FBXO11: variants seen among roughly 807,000 people sequenced by gnomAD.
FBXO11 encodes the protein F-box only protein 11.
A neutral mutation model predicts 117.0 loss-of-function variants in FBXO11; 13 were observed. That is an observed-to-expected ratio of 0.11 (90% CI 0.07 to 0.18). The LOEUF is 0.18. FBXO11 is among the 10% of genes least tolerant of loss of function. The pLI is 1.00. For missense variants in FBXO11, 767 were observed against 1,164.4 expected, an observed-to-expected ratio of 0.66 and a Z score of 4.97; for synonymous variants, 490 against 380.5, an observed-to-expected ratio of 1.29 and a Z score of -3.35.
intron 1 of FBXO11, among the ~76,000 whole-genome samples, chr2:47,893,869 A>G (rs1362023885): frequency 6.6e-6 from 1 of 152,196 alleles, no homozygotes; most frequent in East Asian, 1.9e-4. Flanking sequence ...AAATGGCAAC[A>G]TTTACTGAAT....
chr2:47,839,542 T>C (rs1185674303), intron 2 of FBXO11, 42 bp from the exon 3 acceptor site: 4 of 1,602,892 alleles, frequency 2.5e-6, no homozygotes, highest in Admixed American at 3.5e-5. Context: ...AATATTCTTA[T>C]CATCCATAAT....
intron 1 of FBXO11, among the ~76,000 whole-genome samples, chr2:47,897,068 T>C (rs1254329208): frequency 6.6e-6 from 1 of 152,164 alleles, no homozygotes. Flanking sequence ...GAAGAAACAA[T>C]AACTAGTAAC....
intron 1 of FBXO11, among the ~76,000 whole-genome samples, chr2:47,859,401 G>C (rs949691327): frequency 7.2e-5 from 11 of 152,156 alleles, no homozygotes; most frequent in Non-Finnish European, 1.6e-4. Flanking sequence ...TTCAATTTCA[G>C]ATGTCTTGGA....
At chr2:47,851,393 G>A (rs1673848285) in intron 1 of FBXO11, among the ~76,000 whole-genome samples, 1 of 151,916 alleles carries the variant, frequency 6.6e-6, no homozygotes, top group African/African-American at 2.4e-5. Context: ...ACCACGCGTG[G>A]CTAATTTTTG....
chr2:47,830,252 A>G (rs977992443), intron 11 of FBXO11, among the ~76,000 whole-genome samples: 1 of 152,206 alleles, frequency 6.6e-6, no homozygotes, highest in African/African-American at 2.4e-5. Flanking sequence ...GCCATGCTCA[A>G]TGCTACAATA....
intron 18 of FBXO11, chr2:47,810,653 C>A (rs1051085827): frequency 2.4e-6 from 1 of 418,426 alleles, no homozygotes; most frequent in Non-Finnish European, 4.2e-6. Flanking sequence ...CTGCCATCTC[C>A]ATGATAGCAG....
At chr2:47,886,100 C>A (rs1676822923) in intron 1 of FBXO11, among the ~76,000 whole-genome samples, 2 of 151,032 alleles carry the variant, frequency 1.3e-5, no homozygotes, top group African/African-American at 4.8e-5. Context: ...ATGCAAATAT[C>A]CCTCCGAATC....
intron 4 of FBXO11, chr2:47,836,877 A>G (rs1572815074): frequency 2.9e-6 from 1 of 342,856 alleles, no homozygotes; most frequent in Non-Finnish European, 5.7e-6. Context: ...TTAACCTCCC[A>G]GGTTCAAGTG....
chr2:47,890,910 A>G (rs940182332), intron 1 of FBXO11, among the ~76,000 whole-genome samples: 5 of 152,078 alleles, frequency 3.3e-5, no homozygotes, highest in African/African-American at 1.2e-4. Context: ...CTTGACCTCT[A>G]GAGCTTAAGT....
rs1180835643 is a variant in FBXO11, at chr2:47,839,125, G to T, written c.443-122C>A. 4 of 996,546 alleles carry T rather than the reference G, an allele frequency of 4.0e-6. No individual in the cohort carries two copies. In the South Asian group the frequency reaches 5.7e-5, roughly 14 times the overall value. The allele number at this position is 996,546 out of a possible 1,614,324, so 61.7% of individuals were successfully genotyped here. ...TTTTTGGATAATGGTCATTTTATAAGCATGTGGGTTTCATGGGTAACACAT... is the reference window on the plus strand; with the variant it reads ...TTTTTGGATAATGGTCATTTTATAATCATGTGGGTTTCATGGGTAACACAT... On this transcript the variant is annotated intron_variant, in intron 3 of 22. Coordinates refer to ENST00000403359, the MANE Select transcript of FBXO11 (RefSeq NM_001190274.2).
In FBXO11 at chr2:47,900,651, CGTATACACACACGT is replaced by C. The variant is rs1678090310; in HGVS notation, c.232+4824_232+4837del. ...ATACACACACGTACGTATATACACACGTATACACACACGTACGTATATACACACGTATACACACA... is the reference window on the plus strand; with the variant it reads ...ATACACACACGTACGTATATACACACACGTATATACACACGTATACACACA... On this transcript the variant is annotated intron_variant, in intron 1 of 22. Coordinates refer to ENST00000403359, the MANE Select transcript of FBXO11 (RefSeq NM_001190274.2). Among the ~76,000 whole-genome samples, 4 of 111,224 alleles carry C rather than the reference CGTATACACACACGT, an allele frequency of 3.6e-5. 1 individual carries two copies. The highest frequency in any genetic ancestry group is 3.4e-4 in the South Asian group (1 of 2,964). 73.0% of individuals were successfully genotyped at this position (111,224 alleles called of 152,430 possible).
rs1305170297 is a variant in FBXO11, at chr2:47,808,097, CT to C, written c.*20del. 2 of 1,590,298 alleles carry C rather than the reference CT, an allele frequency of 1.3e-6. No homozygotes were observed. The highest frequency in any genetic ancestry group is 1.4e-5 in the African/African-American group (1 of 74,028). On this transcript the variant is annotated 3_prime_UTR_variant, in exon 23 of 23. Transcript: ENST00000403359. The stretch of plus-strand genomic sequence containing the variant: ...AAGTTATGATGTTACAATGGCAGGA[CT>C]TTTTCTTTAGGGAAGGAATTCAGTT...
Position 47,808,008 on chromosome 2 carries a change from T to TTTAA in FBXO11, c.*106_*109dup, listed in dbSNP as rs1670344622. ...TGTCAACTGACCTTGTGTATCCATTTTTAATACAGTCTCTTCCTGTAGCAT... is the reference window on the plus strand; with the variant it reads ...TGTCAACTGACCTTGTGTATCCATTTTTAATTAATACAGTCTCTTCCTGTAGCAT... On this transcript the variant is annotated 3_prime_UTR_variant, in exon 23 of 23. Coordinates refer to ENST00000403359, the MANE Select transcript of FBXO11 (RefSeq NM_001190274.2). 35 of 1,012,868 alleles carry TTTAA rather than the reference T, an allele frequency of 3.5e-5. 1 individual carries two copies. The South Asian group carries it at 5.6e-4, about 16-fold the overall frequency. 62.7% of individuals were successfully genotyped at this position (1,012,868 alleles called of 1,614,324 possible).
Position 47,834,849 on chromosome 2 carries a change from G to A in FBXO11, c.740C>T (p.Pro247Leu). The A allele has an allele frequency of 1.2e-6, 2 of 1,613,126 alleles. No individual in the cohort carries two copies. The highest frequency in any genetic ancestry group is 3.3e-5 in the Admixed American group (2 of 59,910). Residue 247 changes from proline to leucine, a missense_variant, in exon 6 of 23, where the codon CCA (proline) becomes CTA (leucine). This residue lies in a region of FBXO11 where 32 missense variants were observed against 48.4 expected (regional missense o/e 0.66). Coordinates refer to ENST00000403359, the MANE Select transcript of FBXO11 (RefSeq NM_001190274.2). ...ACTGTAGAAATGTTCAGCAAATCCT[G>A]GCTTTACATGTGCACCTTTATACTA... is the stretch of plus-strand genomic sequence containing the variant. ...QQLYKGAHVKPGFAEHFYSNP... is the reference protein window; with the variant it reads ...QQLYKGAHVKLGFAEHFYSNP...
chr2:47,836,165 TCTCA>T (rs931925880), intron 4 of FBXO11, among the ~76,000 whole-genome samples, 164 bp from the exon 5 acceptor site: 5 of 151,914 alleles, frequency 3.3e-5, no homozygotes, highest in African/African-American at 7.3e-5. Context: ...TGAGACACAG[TCTCA>T]CTGTCATCCA....
In FBXO11 at chr2:47,813,425, ATTTTTTT is replaced by A. The variant is rs564540671; in HGVS notation, c.2084-55_2084-49del. 6.7e-4 allele frequency: 260 copies of A among 390,060 alleles called. 2 individuals are homozygous for A. The highest frequency in any genetic ancestry group is 4.2e-3 in the East Asian group (41 of 9,830). 24.2% of individuals were successfully genotyped at this position (390,060 alleles called of 1,614,324 possible). ...TATCTAGAAGGTATATTTCTTTTTAATTTTTTTTTTTTTTTTTTTTTTTGAGACAGAG... is the reference window on the plus strand; with the variant it reads ...TATCTAGAAGGTATATTTCTTTTTAATTTTTTTTTTTTTTTTGAGACAGAG... On this transcript the variant is annotated intron_variant, in intron 17 of 22. Transcript: ENST00000403359.
At chr2:47,850,813 TTC>T (rs1157572292) in intron 1 of FBXO11, among the ~76,000 whole-genome samples, 1 of 152,188 alleles carries the variant, frequency 6.6e-6, no homozygotes, top group Non-Finnish European at 1.5e-5. Flanking sequence ...CCAAGACATT[TTC>T]TCTCATTGCT....
chr2:47,861,115 G>A (rs1674739268), intron 1 of FBXO11, among the ~76,000 whole-genome samples: 1 of 152,068 alleles, frequency 6.6e-6, no homozygotes, highest in Non-Finnish European at 1.5e-5. Context: ...CTCCCAAAGT[G>A]CTGGAATTAC....
At chr2:47,836,397 C>A (rs1672564574) in intron 4 of FBXO11, among the ~76,000 whole-genome samples, 1 of 152,034 alleles carries the variant, frequency 6.6e-6, no homozygotes, top group African/African-American at 2.4e-5. Context: ...GAGACATAGT[C>A]TATTTCTATC....
Sources: gnomAD v4.1 joint callset for allele counts (sites outside exome capture counted in the v4.1 genomes callset) on GRCh38, gnomAD v4.1.1 for gene constraint, gnomAD v4.1.1 regional missense constraint, MANE v1.5 for transcripts, NCBI Gene and HGNC (gene_info 2026-07-23, HGNC 2026-07-21) for gene names.